The following EIF4E3 variants were observed in gnomAD, a reference collection of about 807,000 sequenced individuals.
EIF4E3 encodes the protein eukaryotic translation initiation factor 4E type 3.
EIF4E3 carries 26 observed loss-of-function variants against 31.7 expected under a neutral mutation model. The observed-to-expected ratio is 0.82, with a 90% CI of 0.60 to 1.14. EIF4E3 has a LOEUF of 1.14. Ranked by LOEUF, EIF4E3 falls within the 50% of genes most tolerant of loss-of-function variation. The pLI, the probability that EIF4E3 is intolerant of heterozygous loss-of-function variation, is 0.00. For synonymous variants in EIF4E3, 128 were observed against 107.7 expected (o/e 1.19, Z -1.17); for missense variants, 304 against 270.9 (o/e 1.12, Z -0.86).
In EIF4E3 at chr3:71,725,396, G is replaced by A; in HGVS notation, c.-29C>T. 1 of 978,082 alleles carries A rather than the reference G, an allele frequency of 1.0e-6. No individual in the cohort carries two copies. Among genetic ancestry groups the A allele is most frequent in the Non-Finnish European group, 1.2e-6 (1 of 826,394 alleles). 60.6% of individuals were successfully genotyped at this position (978,082 alleles called of 1,614,324 possible). ...CTCCGCCCCGCCTGCAAGGCCGGCG[G>A]ACGCGCGGACCGCGGGGCGAGCGCG... On this transcript the variant is annotated 5_prime_UTR_variant, in exon 1 of 7. Transcript: ENST00000425534. This position sits in a 1 kb window ranked among gnomAD's most constrained non-coding sequence, Gnocchi z 6.1.
chr3:71,723,071 G>A (rs771348071), intron 1 of EIF4E3, among the ~76,000 whole-genome samples: 1 of 152,192 alleles, frequency 6.6e-6, no homozygotes, highest in African/African-American at 2.4e-5. Context: ...AGAGGCCTTT[G>A]CATGCTATGG....
At chr3:71,710,564 C>T in intron 1 of EIF4E3, 80 bp from the exon 2 acceptor site, 1 of 1,410,092 alleles carries the variant, frequency 7.1e-7, no homozygotes. Flanking sequence ...TAGAATCTTT[C>T]ACGTCTTCCT....
In EIF4E3 at chr3:71,699,503, G is replaced by C. The variant is rs17664495; in HGVS notation, c.344+111C>G. ...ACCCTGGGCCATGATTGGTATCACA[G>C]ACTTTCTATGTTGTCCATGTGAGAC... On this transcript the variant is annotated intron_variant, in intron 3 of 6. Coordinates refer to ENST00000425534, the MANE Select transcript of EIF4E3 (RefSeq NM_001134651.2). 0.082 allele frequency: 79,801 copies of C among 978,510 alleles called. 3,816 individuals are homozygous for C. The highest frequency in any genetic ancestry group is 0.095 in the Non-Finnish European group (59,885 of 628,516). 60.6% of individuals were successfully genotyped at this position (978,510 alleles called of 1,614,324 possible).
chr3:71,729,474 G>A (rs1263523942), upstream of EIF4E3, among the ~76,000 whole-genome samples: 1 of 152,156 alleles, frequency 6.6e-6, no homozygotes, highest in Non-Finnish European at 1.5e-5. Flanking sequence ...GGTCTCTAAT[G>A]TCAGAAAACC....
Position 71,681,612 on chromosome 3 carries a change from A to C in EIF4E3, c.*3070T>G, listed in dbSNP as rs1233390766. 1 of 152,176 alleles carries C rather than the reference A, an allele frequency of 6.6e-6. No homozygotes were observed. Among genetic ancestry groups the C allele is most frequent in the Non-Finnish European group, 1.5e-5 (1 of 68,070 alleles). 9.4% of individuals were successfully genotyped at this position (152,176 alleles called of 1,614,324 possible). A position where few individuals can be genotyped will look rare whatever the true frequency, so the allele number is the denominator to read the frequency against. ...GGCAGGTTAAGGCTGGCAGATTCTG[A>C]GTACTCTCCATTTAAGGACGCCTGC... On this transcript the variant is annotated 3_prime_UTR_variant, in exon 7 of 7. Transcript: ENST00000425534.
At chr3:71,718,391 T>C (rs1156301055) in intron 1 of EIF4E3, among the ~76,000 whole-genome samples, 1 of 152,256 alleles carries the variant, frequency 6.6e-6, no homozygotes. Context: ...GTTTTATTTC[T>C]GCATGTTTAT....
chr3:71,700,269 A>G (rs915069183), intron 2 of EIF4E3, among the ~76,000 whole-genome samples: 9 of 152,194 alleles, frequency 5.9e-5, no homozygotes, highest in Non-Finnish European at 1.5e-5. Flanking sequence ...TATGGTTATT[A>G]AGCAAACATT....
chr3:71,693,049 G>A (rs1469381800), intron 5 of EIF4E3, among the ~76,000 whole-genome samples: 1 of 152,088 alleles, frequency 6.6e-6, no homozygotes. Context: ...GACATCTGAG[G>A]GACAACTGAT....
the EIF4E3 span, among the ~76,000 whole-genome samples, chr3:71,666,101 T>G: frequency 6.6e-6 from 1 of 151,924 alleles, no homozygotes; most frequent in Non-Finnish European, 1.5e-5. Context: ...ATATCAGACC[T>G]GAACTGAAGG....
intron 6 of EIF4E3, among the ~76,000 whole-genome samples, chr3:71,688,545 G>A (rs552766307): frequency 2.0e-5 from 3 of 152,256 alleles, no homozygotes; most frequent in Admixed American, 2.0e-4. Context: ...CTGACTTAAC[G>A]ACCCCAAATT....
At chr3:71,726,858 G>A (rs2049645536), upstream of EIF4E3, among the ~76,000 whole-genome samples, 1 of 152,208 alleles carries the variant, frequency 6.6e-6, no homozygotes, top group Non-Finnish European at 1.5e-5. Flanking sequence ...TTGGTTAGAT[G>A]CATTTATCTT....
At chr3:71,747,601 C>T (rs2049886841) in intron 1 of EIF4E3, among the ~76,000 whole-genome samples, 1 of 152,158 alleles carries the variant, frequency 6.6e-6, no homozygotes, top group Non-Finnish European at 1.5e-5. Context: ...TCTATTGAAG[C>T]ACAAACCCTA....
At chr3:71,699,938 C>G (rs953111062) in intron 2 of EIF4E3, among the ~76,000 whole-genome samples, 3 of 152,036 alleles carry the variant, frequency 2.0e-5, no homozygotes, top group Non-Finnish European at 4.4e-5. Flanking sequence ...TTTGGGAGGC[C>G]AAGGCAAGCG....
At chr3:71,704,749 G>A (rs1013659869) in intron 2 of EIF4E3, among the ~76,000 whole-genome samples, 3 of 152,152 alleles carry the variant, frequency 2.0e-5, no homozygotes, top group African/African-American at 7.2e-5. Flanking sequence ...GAAGAGGGTG[G>A]TCATTTTTCC....
intron 3 of EIF4E3, among the ~76,000 whole-genome samples, chr3:71,699,250 A>G (rs2049181022): frequency 6.6e-6 from 1 of 151,968 alleles, no homozygotes; most frequent in Non-Finnish European, 1.5e-5. Context: ...CAACCAAACA[A>G]CAACAACAAC....
chr3:71,703,127 A>C (rs2049241348), intron 2 of EIF4E3, among the ~76,000 whole-genome samples: 1 of 152,214 alleles, frequency 6.6e-6, no homozygotes. Flanking sequence ...AGCCTTGATA[A>C]TCACCCTAAG....
intron 5 of EIF4E3, among the ~76,000 whole-genome samples, chr3:71,690,434 C>T (rs1429088051): frequency 1.3e-5 from 2 of 152,150 alleles, no homozygotes; most frequent in African/African-American, 2.4e-5. Flanking sequence ...AAGTAATTTA[C>T]CCTTTTTAAC....
intron 1 of EIF4E3, among the ~76,000 whole-genome samples, chr3:71,733,720 G>A (rs1264750615): frequency 6.6e-6 from 1 of 152,076 alleles, no homozygotes; most frequent in Non-Finnish European, 1.5e-5. Flanking sequence ...ATCCTTCTGT[G>A]ATTTAAAACC....
chr3:71,739,366 G>A (rs936167178), intron 1 of EIF4E3, among the ~76,000 whole-genome samples: 4 of 152,204 alleles, frequency 2.6e-5, no homozygotes, highest in African/African-American at 4.8e-5. Context: ...ATATGCAAGA[G>A]CTGAAAGTAT....
Sources: gnomAD v4.1 joint callset for allele counts (sites outside exome capture counted in the v4.1 genomes callset) on GRCh38, gnomAD v4.1.1 for gene constraint, Gnocchi (gnomAD v3.1) non-coding constraint, MANE v1.5 for transcripts, NCBI Gene and HGNC (gene_info 2026-07-23, HGNC 2026-07-21) for gene names.